Variants in NRG1 observed in about 807,000 individuals in gnomAD.
The protein encoded by NRG1 is pro-neuregulin-1, membrane-bound isoform.
In NRG1, 18 loss-of-function variants were observed where a neutral mutation model predicts 63.8. The observed-to-expected ratio is 0.28, with a 90% CI of 0.19 to 0.42. The LOEUF is 0.42. Ranked by LOEUF, NRG1 falls within the 10% of genes least tolerant of loss-of-function variation. The pLI, the probability that NRG1 is intolerant of heterozygous loss-of-function variation, is 1.00. For missense variants in NRG1, 762 were observed against 814.7 expected (o/e 0.94, Z 0.79); for synonymous variants, 302 against 301.3 (o/e 1.00, Z -0.02).
chr8:31,689,352 T>C (rs1265751504), intron 1 of NRG1, among the ~76,000 whole-genome samples: 1 of 152,224 alleles, frequency 6.6e-6, no homozygotes, highest in Non-Finnish European at 1.5e-5. Flanking sequence ...CCTGTTCAGA[T>C]AATACCAGGT....
chr8:32,588,510 A>G (rs1341692180), intron 1 of NRG1, among the ~76,000 whole-genome samples: 3 of 152,234 alleles, frequency 2.0e-5, no homozygotes, highest in Non-Finnish European at 4.4e-5. Context: ...CTCTGGCTGT[A>G]GTGGCACCAC....
chr8:32,014,204 T>C (rs1439984806), intron 1 of NRG1, among the ~76,000 whole-genome samples: 2 of 152,134 alleles, frequency 1.3e-5, no homozygotes, highest in Non-Finnish European at 2.9e-5. Context: ...GTTTTTCCAT[T>C]TGTTTGTGTC....
intron 1 of NRG1, among the ~76,000 whole-genome samples, chr8:31,952,311 A>T (rs1390054939): frequency 6.6e-6 from 1 of 152,228 alleles, no homozygotes; most frequent in Non-Finnish European, 1.5e-5. Context: ...AAATCATAAC[A>T]TAATAATTGA....
At chr8:31,875,389 A>G (rs1051378221) in intron 1 of NRG1, among the ~76,000 whole-genome samples, 2 of 152,210 alleles carry the variant, frequency 1.3e-5, no homozygotes, top group African/African-American at 2.4e-5. Flanking sequence ...GTCTTCCTCT[A>G]TAAAGAAAGG....
chr8:32,351,643 C>A (rs1805619234), intron 1 of NRG1, among the ~76,000 whole-genome samples: 1 of 152,104 alleles, frequency 6.6e-6, no homozygotes. Flanking sequence ...CTGAGGGGTC[C>A]CCACTCCTAG....
At chr8:32,672,035 T>A in intron 5 of NRG1, among the ~76,000 whole-genome samples, 1 of 136,566 alleles carries the variant, frequency 7.3e-6, no homozygotes, top group South Asian at 2.6e-4. Context: ...TTCCGATATG[T>A]GTTTTTCATC....
At chr8:31,694,319 G>A (rs1320165125) in intron 1 of NRG1, among the ~76,000 whole-genome samples, 1 of 152,144 alleles carries the variant, frequency 6.6e-6, no homozygotes, top group Non-Finnish European at 1.5e-5. Flanking sequence ...GTCACTAAAT[G>A]CTTTATGACT....
chr8:32,568,132 G>A (rs1197859703), intron 1 of NRG1, among the ~76,000 whole-genome samples: 2 of 152,212 alleles, frequency 1.3e-5, no homozygotes, highest in Non-Finnish European at 1.5e-5. Context: ...GGATATGAAT[G>A]GGAGGGGATT....
intron 1 of NRG1, among the ~76,000 whole-genome samples, chr8:32,358,644 A>G (rs906880442): frequency 3.3e-5 from 5 of 152,186 alleles, no homozygotes; most frequent in Non-Finnish European, 7.3e-5. Context: ...TAGATTCTCC[A>G]TTTTGCAGAG....
chr8:32,508,461 T>A (rs1292985150), intron 1 of NRG1, among the ~76,000 whole-genome samples: 1 of 151,518 alleles, frequency 6.6e-6, no homozygotes, highest in Non-Finnish European at 1.5e-5. Context: ...CAGCTAGTTT[T>A]TTTTTTTTTG....
rs1331205282 is a variant in NRG1, at chr8:31,677,534, AATTTGAG to A, written c.37+38104_37+38110del. Among the ~76,000 whole-genome samples, 35 of 152,224 alleles carry A rather than the reference AATTTGAG, an allele frequency of 2.3e-4. 1 individual carries two copies. Among genetic ancestry groups the A allele is most frequent in the African/African-American group, 8.4e-4 (35 of 41,542 alleles). ...TGTCAGAGGATCACTTGAGTCTGGG[AATTTGAG>A]GCTGCAGTGAGCTGAGATCATGCCA... On this transcript the variant is annotated intron_variant, in intron 1 of 10. Coordinates refer to the NRG1 transcript ENST00000519301.
chr8:32,692,370 T>C (rs1435847220), intron 5 of NRG1, among the ~76,000 whole-genome samples: 1 of 152,212 alleles, frequency 6.6e-6, no homozygotes, highest in African/African-American at 2.4e-5. Flanking sequence ...CAATTTTCTG[T>C]CATGTAGGGT....
chr8:31,713,081 A>G (rs1004460865), intron 1 of NRG1, among the ~76,000 whole-genome samples: 1 of 149,572 alleles, frequency 6.7e-6, no homozygotes, highest in Non-Finnish European at 1.5e-5. Context: ...TTCAGCAGCC[A>G]GCCCTACTCA....
intron 1 of NRG1, among the ~76,000 whole-genome samples, chr8:31,766,843 G>A (rs1210345907): frequency 2.0e-5 from 3 of 151,980 alleles, no homozygotes; most frequent in Non-Finnish European, 2.9e-5. Context: ...CACTTGTTAC[G>A]ATCTTGCTCC....
intron 1 of NRG1, among the ~76,000 whole-genome samples, chr8:32,428,038 T>G (rs934376551): frequency 1.3e-5 from 2 of 152,212 alleles, no homozygotes; most frequent in Non-Finnish European, 2.9e-5. Flanking sequence ...GACTGGGGGT[T>G]GTTCTCCACA....
At position 31,802,836 on chromosome 8, in the gene NRG1, T is replaced by C. The variant is rs578075797; in HGVS notation, c.37+163405T>C. Among the ~76,000 whole-genome samples the C allele has an allele frequency of 3.9e-5, 6 of 152,306 alleles. No homozygotes were observed. In the East Asian group the frequency reaches 9.7e-4, roughly 25 times the overall value. ...GGGAACAATATGGATCTGTGATACT[T>C]GAGTTGTTGGACTTTGTAGAATATC... On this transcript the variant is annotated intron_variant, in intron 1 of 10. Coordinates refer to the NRG1 transcript ENST00000519301.
chr8:31,870,076 T>A (rs892018738), intron 1 of NRG1, among the ~76,000 whole-genome samples: 1 of 152,130 alleles, frequency 6.6e-6, no homozygotes. Context: ...GGAAAAGGAA[T>A]GAGTTTAGGT....
chr8:32,723,512 T>C (rs1821185128), intron 5 of NRG1, among the ~76,000 whole-genome samples: 1 of 151,080 alleles, frequency 6.6e-6, no homozygotes, highest in South Asian at 2.1e-4. Context: ...AAACCCCCTC[T>C]CTACTAAAAT....
chr8:32,628,373 C>G (rs1019014180), intron 5 of NRG1, among the ~76,000 whole-genome samples: 4 of 152,094 alleles, frequency 2.6e-5, no homozygotes, highest in African/African-American at 9.7e-5. Flanking sequence ...AATTTCACCT[C>G]CCTAATGTTC....
Sources: gnomAD v4.1 joint callset for allele counts (sites outside exome capture counted in the v4.1 genomes callset) on GRCh38, gnomAD v4.1.1 for gene constraint, MANE v1.5 for transcripts, NCBI Gene and HGNC (gene_info 2026-07-23, HGNC 2026-07-21) for gene names.